The following LRRC4C variants were observed in gnomAD, a reference collection of about 807,000 sequenced individuals.
The protein encoded by LRRC4C is leucine rich repeat containing 4C.
A neutral mutation model predicts 33.6 loss-of-function variants in LRRC4C; 5 were observed. The ratio of observed to expected loss-of-function variants is 0.15; its 90% CI spans 0.08 to 0.31. The LOEUF is 0.31. Among genes scored for constraint, LRRC4C ranks in the 10% least tolerant of loss-of-function variants. The probability of loss-of-function intolerance (pLI) is 1.00; values close to 1 mark genes in which losing one functional copy is unlikely to be tolerated. For missense variants in LRRC4C, 560 were observed against 796.7 expected (o/e 0.70, Z 3.58); for synonymous variants, 329 against 302.0 (o/e 1.09, Z -0.93).
chr11:41,381,854 A>G (rs895479159), intron 1 of LRRC4C, among the ~76,000 whole-genome samples: 4 of 151,458 alleles, frequency 2.6e-5, no homozygotes, highest in Admixed American at 6.6e-5. Context: ...GGCTCTCTCT[A>G]TCTCTGGCTC....
At chr11:40,260,874 A>C (rs1282618889) in intron 4 of LRRC4C, among the ~76,000 whole-genome samples, 1 of 152,138 alleles carries the variant, frequency 6.6e-6, no homozygotes, top group Non-Finnish European at 1.5e-5. Context: ...CAAAACATAC[A>C]AAAAATTCTT....
At chr11:40,934,459 A>T (rs910508477) in intron 1 of LRRC4C, among the ~76,000 whole-genome samples, 1 of 152,222 alleles carries the variant, frequency 6.6e-6, no homozygotes, top group Non-Finnish European at 1.5e-5. Flanking sequence ...TTATTCAAAT[A>T]ACAGACATTC....
intron 6 of LRRC4C, among the ~76,000 whole-genome samples, chr11:40,126,967 A>T (rs895984544): frequency 2.6e-5 from 4 of 151,938 alleles, no homozygotes; most frequent in South Asian, 2.1e-4. Flanking sequence ...CTCAAAAAAA[A>T]AAAATAAATA....
intron 1 of LRRC4C, among the ~76,000 whole-genome samples, chr11:41,216,347 GA>G (rs1458818215): frequency 1.3e-5 from 2 of 148,772 alleles, no homozygotes; most frequent in Non-Finnish European, 3.0e-5. Context: ...TGTCAAGAAA[GA>G]AAAACGACAT....
intron 5 of LRRC4C, among the ~76,000 whole-genome samples, chr11:40,237,316 T>C (rs1251701884): frequency 1.3e-5 from 2 of 152,234 alleles, no homozygotes; most frequent in African/African-American, 4.8e-5. Flanking sequence ...TAAGCTACTT[T>C]GTGAAAAAGA....
chr11:41,072,256 A>G (rs1464829795), intron 1 of LRRC4C, among the ~76,000 whole-genome samples: 1 of 152,120 alleles, frequency 6.6e-6, no homozygotes, highest in Admixed American at 6.6e-5. Context: ...TTCTTGAAAG[A>G]AAAAATTAAT....
At chr11:41,372,139 C>A (rs1037307137) in intron 1 of LRRC4C, among the ~76,000 whole-genome samples, 1 of 152,124 alleles carries the variant, frequency 6.6e-6, no homozygotes, top group African/African-American at 2.4e-5. Flanking sequence ...AGCGAGACTC[C>A]GTCTCAATAA....
intron 1 of LRRC4C, among the ~76,000 whole-genome samples, chr11:41,076,895 G>C (rs1939191222): frequency 6.6e-6 from 1 of 152,154 alleles, no homozygotes; most frequent in Non-Finnish European, 1.5e-5. Context: ...ATACAGTGAG[G>C]GTACAAGTAT....
intron 1 of LRRC4C, among the ~76,000 whole-genome samples, chr11:41,095,010 G>GGAAAATGGGGAGATGT (rs1940716168): frequency 6.6e-6 from 1 of 152,148 alleles, no homozygotes; most frequent in Non-Finnish European, 1.5e-5. Context: ...ATTAAGAGCA[G>GGAAAATGGGGAGATGT]GAAAATGGGG....
intron 1 of LRRC4C, among the ~76,000 whole-genome samples, chr11:41,440,292 A>C (rs1282260375): frequency 1.3e-5 from 2 of 152,144 alleles, no homozygotes; most frequent in African/African-American, 4.8e-5. Flanking sequence ...TCTAGAGAGA[A>C]TAGGTTAGAA....
chr11:41,284,071 C>T (rs975059444), intron 1 of LRRC4C, among the ~76,000 whole-genome samples: 11 of 152,174 alleles, frequency 7.2e-5, no homozygotes, highest in African/African-American at 1.7e-4. Flanking sequence ...TGTACCTATA[C>T]TATGAATACA....
intron 1 of LRRC4C, among the ~76,000 whole-genome samples, chr11:41,249,157 C>T (rs1565516777): frequency 6.6e-6 from 1 of 151,958 alleles, no homozygotes; most frequent in Admixed American, 6.5e-5. Flanking sequence ...GCCTCAGCCT[C>T]CCGAGTACCT....
intron 5 of LRRC4C, among the ~76,000 whole-genome samples, chr11:40,231,127 G>A (rs1361442196): frequency 6.6e-6 from 1 of 152,160 alleles, no homozygotes; most frequent in Non-Finnish European, 1.5e-5. Context: ...AGCAACTCTG[G>A]AGGCTGAGGT....
chr11:41,439,066 C>T (rs1955530848), intron 1 of LRRC4C, among the ~76,000 whole-genome samples: 1 of 152,050 alleles, frequency 6.6e-6, no homozygotes, highest in Admixed American at 6.5e-5. Context: ...GACTGTCCTC[C>T]CTTTTGGAGT....
chr11:40,433,557 A>C (rs1201412798), intron 3 of LRRC4C, among the ~76,000 whole-genome samples: 2 of 152,186 alleles, frequency 1.3e-5, no homozygotes, highest in Non-Finnish European at 2.9e-5. Flanking sequence ...AGGAAAAAAA[A>C]TTAGATAGTT....
chr11:40,521,887 A>C (rs1955831930), intron 3 of LRRC4C, among the ~76,000 whole-genome samples: 1 of 152,144 alleles, frequency 6.6e-6, no homozygotes, highest in African/African-American at 2.4e-5. Flanking sequence ...AAATAAAATA[A>C]AAAAATAGAA....
rs187760138 is a variant in LRRC4C at position 40,541,608 on chromosome 11, A to G, written c.-270+106534T>C. On this transcript the variant is annotated intron_variant, in intron 3 of 6. Coordinates refer to ENST00000528697, the MANE Select transcript of LRRC4C (RefSeq NM_001258419.2). ...CAATGTTCTGCTGCAATAAAAGGCTAGCTAGTTGCATCCCTAGACTGTATT... is the reference window on the plus strand; with the variant it reads ...CAATGTTCTGCTGCAATAAAAGGCTGGCTAGTTGCATCCCTAGACTGTATT... Among the ~76,000 whole-genome samples the G allele has an allele frequency of 1.1e-3, 166 of 152,234 alleles. 1 individual carries two copies. The highest frequency in any genetic ancestry group is 1.8e-3 in the Non-Finnish European group (125 of 68,010).
At chr11:40,681,065 G>T (rs1944660074) in intron 2 of LRRC4C, among the ~76,000 whole-genome samples, 1 of 152,052 alleles carries the variant, frequency 6.6e-6, no homozygotes, top group African/African-American at 2.4e-5. Context: ...TTACATTTTT[G>T]CATTGAGTAT....
intron 1 of LRRC4C, among the ~76,000 whole-genome samples, chr11:41,098,053 G>C (rs544263010): frequency 1.3e-5 from 2 of 152,224 alleles, no homozygotes; most frequent in Non-Finnish European, 2.9e-5. Flanking sequence ...CAATATGCCT[G>C]AAAGCAGAGA....
Sources: gnomAD v4.1 joint callset for allele counts (sites outside exome capture counted in the v4.1 genomes callset) on GRCh38, gnomAD v4.1.1 for gene constraint, MANE v1.5 for transcripts, NCBI Gene and HGNC (gene_info 2026-07-23, HGNC 2026-07-21) for gene names.